Variants in CCDC178 observed in about 807,000 individuals in gnomAD.
CCDC178 encodes coiled-coil domain-containing protein 178.
Under a neutral mutation model 117.4 loss-of-function variants are expected in CCDC178, and 126 were observed. The ratio of observed to expected loss-of-function variants is 1.07; its 90% confidence interval spans 0.93 to 1.24. The LOEUF is 1.24. CCDC178 is among the 50% of genes most tolerant of loss of function. CCDC178 has a pLI of 0.00. For synonymous variants in CCDC178, 283 were observed against 313.4 expected (o/e 0.90, Z 1.02); for missense variants, 1,030 against 986.9 (o/e 1.04, Z -0.59).
chr18:33,401,675 A>T (rs980905383), intron 3 of CCDC178, among the ~76,000 whole-genome samples: 3 of 152,080 alleles, frequency 2.0e-5, no homozygotes, highest in Admixed American at 2.0e-4. Flanking sequence ...GTTTAGATTT[A>T]ATAATTTAAC....
In CCDC178 at chr18:33,173,958, G is replaced by C. The variant is rs529484413; in HGVS notation, c.2238+37938C>G. Reference sequence around the variant, plus strand: ...TTACCAGAGAATAATATTAAGACACGGAGAAGTTGTGTTAGGCCATTCTTG... The same window carrying C: ...TTACCAGAGAATAATATTAAGACACCGAGAAGTTGTGTTAGGCCATTCTTG... On this transcript the variant is annotated intron_variant, in intron 20 of 22. Transcript: ENST00000383096. Among the ~76,000 whole-genome samples, 3 of 152,058 alleles carry C rather than the reference G, an allele frequency of 2.0e-5. No individual in the cohort carries two copies. In the East Asian group the frequency reaches 5.8e-4, roughly 29 times the overall value.
intron 4 of CCDC178, among the ~76,000 whole-genome samples, chr18:33,392,644 G>A (rs1003453914): frequency 1.4e-4 from 21 of 152,078 alleles, no homozygotes; most frequent in African/African-American, 3.6e-4. Flanking sequence ...ATACTGACAC[G>A]AAATAATCAG....
chr18:33,014,176 C>G (rs569952598), intron 21 of CCDC178, among the ~76,000 whole-genome samples: 1 of 152,212 alleles, frequency 6.6e-6, no homozygotes, highest in Non-Finnish European at 1.5e-5. Context: ...GAACCAATTT[C>G]TAGTAAACAC....
chr18:33,208,589 GAAA>G (rs2059073005), intron 20 of CCDC178, among the ~76,000 whole-genome samples: 1 of 152,048 alleles, frequency 6.6e-6, no homozygotes, highest in Non-Finnish European at 1.5e-5. Flanking sequence ...TAATACTCAT[GAAA>G]TAGTTGTGAG....
chr18:32,984,421 T>C (rs1197562244), intron 21 of CCDC178, among the ~76,000 whole-genome samples: 1 of 151,958 alleles, frequency 6.6e-6, no homozygotes, highest in Non-Finnish European at 1.5e-5. Flanking sequence ...TAACAGATAA[T>C]AATTCATCTT....
intron 6 of CCDC178, among the ~76,000 whole-genome samples, chr18:33,367,471 A>G (rs971165137): frequency 3.9e-5 from 6 of 151,960 alleles, no homozygotes; most frequent in Non-Finnish European, 8.8e-5. Flanking sequence ...TGCCTGCTTA[A>G]TTTTATTTTT....
intron 2 of CCDC178, among the ~76,000 whole-genome samples, chr18:33,412,419 A>T (rs1298311755): frequency 1.3e-5 from 2 of 151,460 alleles, no homozygotes; most frequent in Non-Finnish European, 2.9e-5. Flanking sequence ...CCCTGGGGGG[A>T]TTCTAGAACC....
chr18:33,133,173 T>C (rs1201943030), intron 20 of CCDC178, among the ~76,000 whole-genome samples: 1 of 151,866 alleles, frequency 6.6e-6, no homozygotes, highest in African/African-American at 2.4e-5. Flanking sequence ...TATGATTTCA[T>C]TTGAAATGTT....
At chr18:33,060,500 T>C (rs2144959418) in intron 21 of CCDC178, among the ~76,000 whole-genome samples, 1 of 152,230 alleles carries the variant, frequency 6.6e-6, no homozygotes, top group East Asian at 1.9e-4. Context: ...ATTGATGTCC[T>C]CTACTTACTC....
chr18:33,123,566 T>TA, intron 20 of CCDC178, among the ~76,000 whole-genome samples: 1 of 152,142 alleles, frequency 6.6e-6, no homozygotes, highest in Non-Finnish European at 1.5e-5. Context: ...GGATTTTTTG[T>TA]AAAAAATGAC....
rs552163182 is a variant in CCDC178 at position 33,116,722 on chromosome 18, G to T, written c.2239-23812C>A. Reference sequence around the variant, plus strand: ...CTCAGGTGGCCCACTCCAGCTTCAAGCCAGCAGGGAAGAACCCCCTGTCAA... The same window carrying T: ...CTCAGGTGGCCCACTCCAGCTTCAATCCAGCAGGGAAGAACCCCCTGTCAA... On this transcript the variant is annotated intron_variant, in intron 20 of 22. Transcript: ENST00000383096. Among the ~76,000 whole-genome samples the T allele has an allele frequency of 3.1e-5, 4 of 129,034 alleles. No homozygotes were observed. In the East Asian group the frequency reaches 8.7e-4, roughly 28 times the overall value. The allele number at this position is 129,034 out of a possible 152,430, so 84.7% of individuals were successfully genotyped here.
At chr18:33,226,663 A>T (rs2059305947) in intron 16 of CCDC178, 130 bp downstream of exon 16, 2 of 528,760 alleles carry the variant, frequency 3.8e-6, no homozygotes, top group Non-Finnish European at 3.3e-6. Context: ...AACTGCCATC[A>T]GCTAAGGAGA....
chr18:33,224,760 TA>T lies in CCDC178; in HGVS notation c.1818+14del. Reference sequence around the variant, plus strand: ...TATTTCTGCACATTAATTTTTGGATTAATTAAATGCTTACAACAGAATGTTC... The same window carrying T: ...TATTTCTGCACATTAATTTTTGGATTATTAAATGCTTACAACAGAATGTTC... On this transcript the variant is annotated intron_variant, in intron 17 of 22. Coordinates refer to ENST00000383096, the MANE Select transcript of CCDC178 (RefSeq NM_001105528.4). The T allele has an allele frequency of 7.0e-7, 1 of 1,424,570 alleles. No individual in the cohort carries two copies. Among genetic ancestry groups the T allele is most frequent in the Non-Finnish European group, 9.3e-7 (1 of 1,071,220 alleles). 88.2% of individuals were successfully genotyped at this position (1,424,570 alleles called of 1,614,324 possible).
chr18:33,424,897 C>T (rs2064097606), intron 2 of CCDC178, among the ~76,000 whole-genome samples: 1 of 152,192 alleles, frequency 6.6e-6, no homozygotes, highest in Non-Finnish European at 1.5e-5. Context: ...TGCCCATCCA[C>T]TCACTCCCCT....
chr18:33,293,498 A>C (rs973440035), intron 11 of CCDC178, among the ~76,000 whole-genome samples, 186 bp from the exon 12 acceptor site: 3 of 1,470 alleles, frequency 2.0e-3, no homozygotes, highest in African/African-American at 3.3e-3. Context: ...TGCCTTTACA[A>C]AAAAAAAAAA....
At chr18:33,045,178 T>C (rs2056619703) in intron 21 of CCDC178, among the ~76,000 whole-genome samples, 1 of 152,014 alleles carries the variant, frequency 6.6e-6, no homozygotes. Context: ...ATAAAATAAA[T>C]TGTAAAAAGA....
chr18:33,238,733 C>G (rs1448652571), intron 15 of CCDC178, among the ~76,000 whole-genome samples: 1 of 151,998 alleles, frequency 6.6e-6, no homozygotes, highest in Non-Finnish European at 1.5e-5. Context: ...TAGGTGAACA[C>G]TTCCAAAGTC....
chr18:33,114,042 G>A (rs1211701133), intron 20 of CCDC178, among the ~76,000 whole-genome samples: 1 of 152,000 alleles, frequency 6.6e-6, no homozygotes, highest in African/African-American at 2.4e-5. Context: ...AGTAAGAATA[G>A]AATGCCCATG....
intron 20 of CCDC178, among the ~76,000 whole-genome samples, chr18:33,134,638 A>G (rs1162878285): frequency 1.3e-5 from 2 of 152,090 alleles, no homozygotes; most frequent in African/African-American, 4.8e-5. Context: ...TGTATTAGAA[A>G]TGACCAAAAT....
Sources: gnomAD v4.1 joint callset for allele counts (sites outside exome capture counted in the v4.1 genomes callset) on GRCh38, gnomAD v4.1.1 for gene constraint, MANE v1.5 for transcripts, NCBI Gene and HGNC (gene_info 2026-07-23, HGNC 2026-07-21) for gene names.